The following CSNK1E variants were observed in gnomAD, a reference collection of about 807,000 sequenced individuals.
CSNK1E encodes the protein casein kinase I isoform epsilon.
In CSNK1E, 17 loss-of-function variants were observed where a neutral mutation model predicts 46.1. That is an observed-to-expected ratio of 0.37 (90% CI 0.25 to 0.55). The LOEUF (loss-of-function observed/expected upper bound fraction) is 0.55, where lower values mean the gene tolerates loss of function less well. Ranked by LOEUF, CSNK1E falls within the 20% of genes least tolerant of loss-of-function variation. The pLI is 0.82. For missense variants in CSNK1E, 386 were observed against 595.4 expected (o/e 0.65, Z 3.66); for synonymous variants, 241 against 242.6 (o/e 0.99, Z 0.06).
At chr22:38,295,477 G>A (rs2092635579) in intron 7 of CSNK1E, 1 of 775,478 alleles carries the variant, frequency 1.3e-6, no homozygotes, top group African/African-American at 1.9e-5. Context: ...GGGCTGAGTT[G>A]GGGGCCTGCT....
At position 38,309,461 on chromosome 22, in the gene CSNK1E, TTTC is replaced by T. The variant is rs1477086138; in HGVS notation, c.76+4618_76+4620del. On this transcript the variant is annotated intron_variant, in intron 2 of 10. Transcript: ENST00000396832. This position sits in a 1 kb window ranked among gnomAD's most constrained non-coding sequence, Gnocchi z 4.8. Reference sequence around the variant, plus strand: ...CGAGTACTACTGTTTGTATTTCTTTTTTCTTTTTTTTTTGAGACAGCTTCACTT... The same window carrying T: ...CGAGTACTACTGTTTGTATTTCTTTTTTTTTTTTTTGAGACAGCTTCACTT... Among the ~76,000 whole-genome samples, 1 of 152,154 alleles carries T rather than the reference TTTC, an allele frequency of 6.6e-6. No homozygotes were observed. Among genetic ancestry groups the T allele is most frequent in the Non-Finnish European group, 1.5e-5 (1 of 68,028 alleles).
At chr22:38,315,625 G>A (rs1479487338) in intron 1 of CSNK1E, among the ~76,000 whole-genome samples, 1 of 144,702 alleles carries the variant, frequency 6.9e-6, no homozygotes, top group Non-Finnish European at 1.5e-5. Context: ...AGTGAGCCCT[G>A]TTGGGGGGTA....
intron 2 of CSNK1E, among the ~76,000 whole-genome samples, chr22:38,311,290 A>G (rs1401568626): frequency 6.6e-6 from 1 of 152,226 alleles, no homozygotes; most frequent in Non-Finnish European, 1.5e-5. Context: ...CACAAAAGGA[A>G]GAACCAGCAC....
At chr22:38,312,740 T>G (rs554208239) in intron 2 of CSNK1E, among the ~76,000 whole-genome samples, 3 of 152,314 alleles carry the variant, frequency 2.0e-5, no homozygotes, top group African/African-American at 7.2e-5. Flanking sequence ...CAGTTCTTGG[T>G]CAGTCAGGCA....
upstream of CSNK1E, among the ~76,000 whole-genome samples, chr22:38,317,601 C>T (rs891313377): frequency 6.6e-6 from 1 of 151,970 alleles, no homozygotes; most frequent in Admixed American, 6.5e-5. Flanking sequence ...CGCGGGCTTA[C>T]GCGTGGGGGT....
At chr22:38,297,465 C>T in intron 7 of CSNK1E, 2 of 701,734 alleles carry the variant, frequency 2.9e-6, no homozygotes, top group South Asian at 5.2e-5. Context: ...TGTGTTACTC[C>T]TTAGTGAACA....
rs549797853 is a variant in CSNK1E, at chr22:38,314,178, G to A, written c.-12-9C>T. 1.2e-6 allele frequency: 2 copies of A among 1,612,834 alleles called. No individual in the cohort carries two copies. Among genetic ancestry groups the A allele is most frequent in the Non-Finnish European group, 1.7e-6 (2 of 1,179,082 alleles). On this transcript the variant is annotated splice_polypyrimidine_tract_variant and intron_variant, in intron 1 of 10. Transcript: ENST00000396832. ...TCCATGGCTCACTCTTGCTGCAGAG[G>A]AAGCAGGAACATGAGGGTCAGCGAC...
At chr22:38,305,962 A>G (rs941718977) in intron 2 of CSNK1E, among the ~76,000 whole-genome samples, 2 of 152,218 alleles carry the variant, frequency 1.3e-5, no homozygotes, top group Non-Finnish European at 2.9e-5. Context: ...TGTCGGCTGC[A>G]GGCTGTTTGG....
chr22:38,294,222 G>T lies in CSNK1E; in HGVS notation c.1105C>A (p.Arg369=), dbSNP rs756435541. Residue 369 remains arginine, a synonymous_variant, in exon 9 of 11, where the codon CGG becomes AGG. Transcript: ENST00000396832. This position sits in a 1 kb window ranked among gnomAD's most constrained non-coding sequence, Gnocchi z 5.5. The part of the protein sequence containing the change: ...AGNTSPRAIS[R]VDRERKVSMR... ...CTCACCTTCCTCTCCCGGTCGACCC[G>T]CGAGATCGCTCTGGGAGAAGTATTG... 1 of 1,612,468 alleles carries T rather than the reference G, an allele frequency of 6.2e-7. No homozygotes were observed. The highest frequency in any genetic ancestry group is 1.1e-5 in the South Asian group (1 of 91,040).
At chr22:38,296,726 G>A in intron 7 of CSNK1E, 1 of 1,601,700 alleles carries the variant, frequency 6.2e-7, no homozygotes, top group Non-Finnish European at 8.5e-7. Flanking sequence ...ACAGTCTTGT[G>A]AGACTCCATA....
chr22:38,293,602 C>T (rs887804276), intron 9 of CSNK1E, among the ~76,000 whole-genome samples: 2 of 152,074 alleles, frequency 1.3e-5, no homozygotes, highest in African/African-American at 2.4e-5. Flanking sequence ...ACTCCCTCCT[C>T]GCCCACAGGC....
chr22:38,297,291 C>CA (rs1458725120), intron 7 of CSNK1E: 2 of 619,630 alleles, frequency 3.2e-6, no homozygotes, highest in East Asian at 5.7e-5. Context: ...GAGCTGGTCC[C>CA]AGGTGCTCAA....
At position 38,314,085 on chromosome 22, in the gene CSNK1E, G is replaced by A. The variant is rs1602564774; in HGVS notation, c.73C>T (p.Leu25=). The part of the protein sequence containing the change: ...IGSGSFGDIY[L]GANIASGEEV... ...AGCTGGAGCTAGGAACACTTACCCAGGTAGATATCTCCGAAGGACCCGCTC... is the reference window on the plus strand; with the variant it reads ...AGCTGGAGCTAGGAACACTTACCCAAGTAGATATCTCCGAAGGACCCGCTC... Residue 25 remains leucine (L), a synonymous_variant, in exon 2 of 11, where the codon CTG becomes TTG. Transcript: ENST00000396832. 9.3e-6 allele frequency: 15 copies of A among 1,613,698 alleles called. No individual in the cohort carries two copies. The East Asian group carries it at 2.7e-4, about 29-fold the overall frequency.
chr22:38,305,289 G>A (rs984717075), intron 2 of CSNK1E, among the ~76,000 whole-genome samples: 17 of 151,990 alleles, frequency 1.1e-4, no homozygotes, highest in African/African-American at 3.9e-4. Context: ...GGCCATGCAG[G>A]TATTCTATAC....
At chr22:38,314,319 A>T in intron 1 of CSNK1E, 150 bp from the exon 2 acceptor site, 1 of 634,402 alleles carries the variant, frequency 1.6e-6, no homozygotes, top group Non-Finnish European at 2.9e-6. Flanking sequence ...CACAGCCTGC[A>T]CTCCACACAC....
intron 2 of CSNK1E, among the ~76,000 whole-genome samples, chr22:38,313,796 G>A (rs1238321702): frequency 2.0e-5 from 3 of 152,222 alleles, no homozygotes; most frequent in Non-Finnish European, 4.4e-5. Context: ...CCCACACCCA[G>A]CTGGTGACCC....
chr22:38,293,156 C>G, intron 10 of CSNK1E, 99 bp downstream of exon 10: 3 of 980,630 alleles, frequency 3.1e-6, no homozygotes, highest in Non-Finnish European at 3.3e-6. Flanking sequence ...GCCACTGCCA[C>G]TGCCACCCAC....
intron 7 of CSNK1E, chr22:38,296,405 C>T (rs550065177): frequency 8.5e-6 from 12 of 1,418,982 alleles, no homozygotes; most frequent in East Asian, 2.6e-5. Context: ...CCCAGCACCC[C>T]GGTGCAGCCA....
chr22:38,317,024 C>G (rs1179606021), intron 1 of CSNK1E, 136 bp downstream of exon 1: 1 of 152,232 alleles, frequency 6.6e-6, no homozygotes, highest in South Asian at 2.1e-4. Flanking sequence ...CGGGCTGCCC[C>G]CCCTACACCC....
Sources: allele counts gnomAD v4.1 joint callset (sites outside exome capture counted in the v4.1 genomes callset), GRCh38; gene constraint gnomAD v4.1.1; non-coding constraint Gnocchi (gnomAD v3.1); transcripts MANE v1.5; gene names NCBI Gene and HGNC (gene_info 2026-07-23, HGNC 2026-07-21).